SHC3: variants seen among roughly 807,000 people sequenced by gnomAD.
SHC3 encodes SHC-transforming protein 3.
A neutral mutation model predicts 60.4 loss-of-function variants in SHC3; 15 were observed. The observed-to-expected ratio is 0.25, with a 90% CI of 0.17 to 0.38. The LOEUF is 0.38. Among genes scored for constraint, SHC3 ranks in the 10% least tolerant of loss-of-function variants. The pLI is 1.00. For missense variants in SHC3, 677 were observed against 786.1 expected, an observed-to-expected ratio of 0.86 and a Z score of 1.66; for synonymous variants, 294 against 325.9, an observed-to-expected ratio of 0.90 and a Z score of 1.05.
intron 5 of SHC3, among the ~76,000 whole-genome samples, chr9:89,066,085 C>A (rs1016291528): frequency 2.0e-5 from 3 of 152,210 alleles, no homozygotes; most frequent in African/African-American, 7.2e-5. Flanking sequence ...CTGCTCTCAG[C>A]TTTGTCTACA....
At chr9:89,071,699 T>A (rs150111799) in intron 4 of SHC3, among the ~76,000 whole-genome samples, 2 of 152,208 alleles carry the variant, frequency 1.3e-5, no homozygotes, top group Non-Finnish European at 2.9e-5. Context: ...GATGTTTGCC[T>A]AATTAATGAA....
At position 89,178,225 on chromosome 9, in the gene SHC3, G is replaced by A. The variant is rs1314861291; in HGVS notation, c.236C>T (p.Ser79Leu). The change falls in exon 1 of 12, where the codon TCG becomes TTG. Residue 79 changes from serine (S) to leucine (L), a missense_variant. Physicochemically the swap from Ser to Leu is moderately radical, Grantham distance 145. Coordinates refer to ENST00000375835, the MANE Select transcript of SHC3 (RefSeq NM_016848.6). The surrounding 1 kb of genome is among the most constrained non-coding windows in gnomAD (Gnocchi z 6.9). ...GGCCGACGACAGGCCGCGGAGGCCC[G>A]AGCTGGAGAGTTTCAGGTGGGACAC... ...HKVSHLKLSS[S>L]GLRGLSSAAR... The A allele has an allele frequency of 3.4e-6, 5 of 1,492,292 alleles. No homozygotes were observed. Among genetic ancestry groups the A allele is most frequent in the Non-Finnish European group, 4.5e-6 (5 of 1,123,056 alleles). 92.4% of individuals were successfully genotyped at this position (1,492,292 alleles called of 1,614,324 possible).
At chr9:89,105,627 ATGGT>A in intron 2 of SHC3, among the ~76,000 whole-genome samples, 1 of 152,338 alleles carries the variant, frequency 6.6e-6, no homozygotes, top group East Asian at 1.9e-4. Context: ...GTGACTAGAC[ATGGT>A]ATGTGTTTGA....
At chr9:89,050,653 T>C (rs1033618311) in intron 7 of SHC3, among the ~76,000 whole-genome samples, 9 of 152,226 alleles carry the variant, frequency 5.9e-5, no homozygotes, top group Non-Finnish European at 1.3e-4. Context: ...ATCATTTATG[T>C]TTTCAAAATT....
intron 2 of SHC3, among the ~76,000 whole-genome samples, chr9:89,100,858 C>G (rs1825772943): frequency 6.6e-6 from 1 of 152,184 alleles, no homozygotes; most frequent in Admixed American, 6.5e-5. Context: ...TGTTCTTATG[C>G]TGATTCTACA....
intron 4 of SHC3, among the ~76,000 whole-genome samples, chr9:89,073,626 C>T (rs80182719): frequency 0.021 from 3,214 of 152,284 alleles, 36 homozygotes; most frequent in South Asian, 0.034. Context: ...TTGCCCCATC[C>T]GCCCAAACCA....
At chr9:89,142,792 C>T (rs1303530021) in intron 1 of SHC3, among the ~76,000 whole-genome samples, 3 of 152,052 alleles carry the variant, frequency 2.0e-5, no homozygotes, top group African/African-American at 7.2e-5. Flanking sequence ...ATATGCACAC[C>T]ACTTGCCCAA....
chr9:89,100,676 C>T (rs1436650636), intron 2 of SHC3, among the ~76,000 whole-genome samples: 2 of 152,174 alleles, frequency 1.3e-5, no homozygotes, highest in Non-Finnish European at 1.5e-5. Flanking sequence ...GACCTGTGAT[C>T]TAATTTCTTT....
chr9:89,109,356 A>G (rs1825912900), intron 2 of SHC3: 3 of 950,470 alleles, frequency 3.2e-6, no homozygotes, highest in Non-Finnish European at 3.8e-6. Flanking sequence ...CAGGAAGTCC[A>G]GCGAGGGTGC....
chr9:89,177,351 G>C (rs1346926584), intron 1 of SHC3, among the ~76,000 whole-genome samples: 3 of 152,206 alleles, frequency 2.0e-5, no homozygotes, highest in Non-Finnish European at 2.9e-5. Flanking sequence ...ACAGTCACCA[G>C]AAAAATAGTC....
intron 2 of SHC3, among the ~76,000 whole-genome samples, chr9:89,100,774 A>G (rs991878149): frequency 6.6e-6 from 1 of 152,154 alleles, no homozygotes; most frequent in Non-Finnish European, 1.5e-5. Flanking sequence ...TACTTGGCAT[A>G]GTGTTTTTGA....
intron 9 of SHC3, among the ~76,000 whole-genome samples, chr9:89,044,864 G>A (rs781655837): frequency 3.3e-5 from 5 of 152,182 alleles, no homozygotes; most frequent in Non-Finnish European, 7.3e-5. Context: ...TATTATGATT[G>A]TAAGATGCAG....
intron 11 of SHC3, among the ~76,000 whole-genome samples, chr9:89,027,181 T>C (rs989934182): frequency 7.2e-5 from 11 of 152,216 alleles, no homozygotes; most frequent in South Asian, 2.1e-4. Context: ...TGGTCATTTG[T>C]GTATTTACAC....
At chr9:89,059,579 ATG>A (rs1825033058) in intron 6 of SHC3, among the ~76,000 whole-genome samples, 1 of 121,188 alleles carries the variant, frequency 8.3e-6, no homozygotes, top group Admixed American at 8.4e-5. Context: ...GTGGTGGAGG[ATG>A]TGGTGGAGGA....
chr9:89,119,352 A>T (rs2118136207), intron 1 of SHC3, among the ~76,000 whole-genome samples: 1 of 152,286 alleles, frequency 6.6e-6, no homozygotes, highest in South Asian at 2.1e-4. Flanking sequence ...TACAATAACC[A>T]TAAATGCATC....
At chr9:89,053,494 G>C (rs550277856) in intron 6 of SHC3, among the ~76,000 whole-genome samples, 1 of 152,182 alleles carries the variant, frequency 6.6e-6, no homozygotes, top group Non-Finnish European at 1.5e-5. Flanking sequence ...TTACCCCGGA[G>C]GCAGCCAGCT....
At position 89,178,462 on chromosome 9, in the gene SHC3, C is replaced by T. The variant is rs773736533; in HGVS notation, c.-2G>A. 31 of 1,432,738 alleles carry T rather than the reference C, an allele frequency of 2.2e-5. No homozygotes were observed. Among genetic ancestry groups the T allele is most frequent in the Non-Finnish European group, 2.5e-5 (27 of 1,084,050 alleles). The allele number at this position is 1,432,738 out of a possible 1,614,324, so 88.8% of individuals were successfully genotyped here. ...GTTATACTTGGTGCGTGGAAGCATGCCCCTCCGTGGGCTCGCTGCATCCGC... is the reference window on the plus strand; with the variant it reads ...GTTATACTTGGTGCGTGGAAGCATGTCCCTCCGTGGGCTCGCTGCATCCGC... On this transcript the variant is annotated 5_prime_UTR_variant, in exon 1 of 12. Transcript: ENST00000375835. This position sits in a 1 kb window ranked among gnomAD's most constrained non-coding sequence, Gnocchi z 6.9.
intron 6 of SHC3, among the ~76,000 whole-genome samples, chr9:89,056,293 C>T (rs1824947581): frequency 1.3e-5 from 2 of 152,154 alleles, no homozygotes; most frequent in Non-Finnish European, 2.9e-5. Context: ...GTCGCCCAGG[C>T]TGGAGTGCAA....
intron 2 of SHC3, among the ~76,000 whole-genome samples, chr9:89,094,814 C>A (rs971911161): frequency 1.3e-5 from 2 of 152,206 alleles, no homozygotes; most frequent in Non-Finnish European, 2.9e-5. Flanking sequence ...CCAATGTCAA[C>A]TTGCATGCCC....
Sources: allele counts gnomAD v4.1 joint callset (sites outside exome capture counted in the v4.1 genomes callset), GRCh38; gene constraint gnomAD v4.1.1; non-coding constraint Gnocchi (gnomAD v3.1); transcripts MANE v1.5; gene names NCBI Gene and HGNC (gene_info 2026-07-23, HGNC 2026-07-21).